EPB41: variants seen among roughly 807,000 people sequenced by gnomAD.
EPB41 encodes the protein erythrocyte membrane protein band 4.1, also known as protein 4.1.
In EPB41, 65 loss-of-function variants were observed where a neutral mutation model predicts 108.0. The observed-to-expected ratio is 0.60, with a 90% CI of 0.49 to 0.74. The LOEUF is 0.74. EPB41 is among the 30% of genes least tolerant of loss of function. The pLI, the probability that EPB41 is intolerant of heterozygous loss-of-function variation, is 0.00. For synonymous variants in EPB41, 336 were observed against 358.9 expected (o/e 0.94, Z 0.72); for missense variants, 875 against 1,037.0 (o/e 0.84, Z 2.15).
intron 1 of EPB41, among the ~76,000 whole-genome samples, chr1:28,956,303 G>A (rs1013759480): frequency 7.2e-5 from 11 of 152,174 alleles, no homozygotes; most frequent in African/African-American, 1.4e-4. Context: ...CTAGGAAACT[G>A]CAGCAAGGCA....
chr1:28,950,317 A>G (rs2094665258), intron 1 of EPB41, among the ~76,000 whole-genome samples: 1 of 152,266 alleles, frequency 6.6e-6, no homozygotes, highest in Admixed American at 6.5e-5. Flanking sequence ...CCACATAGAT[A>G]GCAAGTGGCT....
chr1:28,996,516 T>C (rs1346410213), intron 3 of EPB41, among the ~76,000 whole-genome samples: 1 of 152,210 alleles, frequency 6.6e-6, no homozygotes, highest in African/African-American at 2.4e-5. Context: ...GTTGATTCAG[T>C]AATTTAAGTA....
intron 1 of EPB41, among the ~76,000 whole-genome samples, chr1:28,899,312 T>A (rs1311347439): frequency 6.6e-6 from 1 of 152,174 alleles, no homozygotes; most frequent in Non-Finnish European, 1.5e-5. Context: ...CTTAAAAACT[T>A]CTTCTGCCCT....
intron 1 of EPB41, among the ~76,000 whole-genome samples, chr1:28,965,820 CA>C (rs1557843099): frequency 1.3e-5 from 2 of 152,128 alleles, no homozygotes; most frequent in African/African-American, 2.4e-5. Context: ...TTAGCGTTTT[CA>C]AAGTTTTGTA....
chr1:29,025,088 C>T (rs1003815524), intron 7 of EPB41, among the ~76,000 whole-genome samples: 1 of 151,928 alleles, frequency 6.6e-6, no homozygotes, highest in African/African-American at 2.4e-5. Flanking sequence ...TAGTAGTGGC[C>T]CTTTGCCCAG....
chr1:29,099,338 T>C (rs79796785), intron 17 of EPB41, among the ~76,000 whole-genome samples: 55 of 151,924 alleles, frequency 3.6e-4, no homozygotes, highest in Non-Finnish European at 6.0e-4. Context: ...CAAATTTTCT[T>C]TTCTGAGAAA....
chr1:29,074,532 C>A (rs1653027343), intron 16 of EPB41, among the ~76,000 whole-genome samples: 2 of 152,114 alleles, frequency 1.3e-5, no homozygotes, highest in African/African-American at 4.8e-5. Flanking sequence ...TCTCCTTTTA[C>A]TGTAGCAGAA....
intron 16 of EPB41, chr1:29,073,160 C>T (rs1003552061): frequency 4.0e-5 from 6 of 149,394 alleles, no homozygotes; most frequent in African/African-American, 1.5e-4. Flanking sequence ...TTCCTTCCTT[C>T]ATTTTCAGTA....
At chr1:28,927,252 G>A (rs369501750) in intron 1 of EPB41, among the ~76,000 whole-genome samples, 150 of 152,226 alleles carry the variant, frequency 9.9e-4, no homozygotes, top group African/African-American at 3.2e-3. Context: ...TAATGAATTC[G>A]TGAATTTACA....
chr1:28,889,797 C>T (rs180896881), intron 1 of EPB41: 160 of 985,274 alleles, frequency 1.6e-4, no homozygotes, highest in Admixed American at 1.4e-3. Context: ...GAGCTTCATT[C>T]GGTTATTCTC....
chr1:29,110,830 A>G (rs1401080475), intron 18 of EPB41, among the ~76,000 whole-genome samples: 1 of 152,188 alleles, frequency 6.6e-6, no homozygotes, highest in Non-Finnish European at 1.5e-5. Flanking sequence ...ACAAGAGCCC[A>G]GTTTCAAGCT....
At chr1:29,054,515 C>CT (rs1645022351) in intron 12 of EPB41, 1 of 137,416 alleles carries the variant, frequency 7.3e-6, no homozygotes. Context: ...AGTGGACAGT[C>CT]TAACTATGTT....
chr1:29,083,044 G>T (rs1657367657), intron 16 of EPB41, among the ~76,000 whole-genome samples: 1 of 152,074 alleles, frequency 6.6e-6, no homozygotes, highest in Admixed American at 6.6e-5. Flanking sequence ...CCTTTATCCA[G>T]ATTTTATACA....
chr1:29,032,646 G>T (rs1178837478), intron 8 of EPB41, among the ~76,000 whole-genome samples: 1 of 152,052 alleles, frequency 6.6e-6, no homozygotes, highest in Non-Finnish European at 1.5e-5. Flanking sequence ...TTTTAAAGTT[G>T]TCTTTAATAA....
intron 1 of EPB41, among the ~76,000 whole-genome samples, chr1:28,952,116 A>C (rs1164626388): frequency 6.6e-6 from 1 of 152,184 alleles, no homozygotes; most frequent in Non-Finnish European, 1.5e-5. Context: ...AACTGGGTCA[A>C]ATTGAATTGT....
At chr1:28,997,675 G>C (rs1261692978) in intron 4 of EPB41, among the ~76,000 whole-genome samples, 5 of 151,884 alleles carry the variant, frequency 3.3e-5, no homozygotes, top group African/African-American at 1.2e-4. Context: ...AATATTTGTT[G>C]AATGGATGAT....
chr1:29,083,431 G>A (rs941376022), intron 16 of EPB41, among the ~76,000 whole-genome samples: 1 of 152,112 alleles, frequency 6.6e-6, no homozygotes, highest in African/African-American at 2.4e-5. Flanking sequence ...AAGCTTTTGG[G>A]GGTGGGAACC....
At chr1:28,959,223 T>TTC (rs1362085512) in intron 1 of EPB41, among the ~76,000 whole-genome samples, 1 of 147,270 alleles carries the variant, frequency 6.8e-6, no homozygotes, top group East Asian at 2.0e-4. Flanking sequence ...TTTTTTTTTT[T>TTC]TTTTTTTTTT....
intron 7 of EPB41, among the ~76,000 whole-genome samples, chr1:29,024,325 A>C (rs1055363473): frequency 1.4e-5 from 2 of 148,122 alleles, no homozygotes; most frequent in Admixed American, 1.4e-4. Context: ...ACAAAGTAAG[A>C]CTTCATCTAA....
Sources: gnomAD v4.1 joint callset for allele counts (sites outside exome capture counted in the v4.1 genomes callset) on GRCh38, gnomAD v4.1.1 for gene constraint, MANE v1.5 for transcripts, NCBI Gene and HGNC (gene_info 2026-07-23, HGNC 2026-07-21) for gene names.